CPA4: variants seen among roughly 807,000 people sequenced by gnomAD.
CPA4 encodes the protein carboxypeptidase A4, also known as carboxypeptidase A3.
In CPA4, 49 loss-of-function variants were observed where a neutral mutation model predicts 54.7. That is an observed-to-expected ratio of 0.90 (90% CI 0.71 to 1.14). The LOEUF is 1.14. Among genes scored for constraint, CPA4 ranks in the 50% most tolerant of loss-of-function variants. CPA4 has a pLI of 0.00. For missense variants in CPA4, 487 were observed against 525.1 expected (o/e 0.93, Z 0.71); for synonymous variants, 215 against 206.8 (o/e 1.04, Z -0.34).
rs1793897551 is a variant in CPA4 at position 130,310,723 on chromosome 7, G to A, written c.794-64G>A. 3.4e-6 allele frequency: 5 copies of A among 1,490,354 alleles called. No individual in the cohort carries two copies. The highest frequency in any genetic ancestry group is 4.7e-6 in the Non-Finnish European group (5 of 1,069,514). The allele number at this position is 1,490,354 out of a possible 1,614,324, so 92.3% of individuals were successfully genotyped here. On this transcript the variant is annotated intron_variant, in intron 8 of 10. Coordinates refer to ENST00000222482, the MANE Select transcript of CPA4 (RefSeq NM_016352.4). The surrounding 1 kb of genome is among the most constrained non-coding windows in gnomAD (Gnocchi z 4.3). ...TACCTTCGGCCCCTCTCTAGGTGGA[G>A]CGTCTTGCATTTCTGTGTTCTTGGA...
intron 10 of CPA4, among the ~76,000 whole-genome samples, chr7:130,322,179 T>G (rs1794117044): frequency 1.3e-5 from 2 of 152,144 alleles, no homozygotes; most frequent in African/African-American, 4.8e-5. Context: ...ATTGGGGCTA[T>G]CTTGGAGGCT....
At chr7:130,298,904 A>T (rs1793695978) in intron 2 of CPA4, 77 bp downstream of exon 2, 2 of 870,888 alleles carry the variant, frequency 2.3e-6, no homozygotes, top group South Asian at 1.5e-5. Context: ...TGGCATTATT[A>T]TTTTTATTTC....
At chr7:130,318,006 A>G (rs1413101398) in intron 10 of CPA4, among the ~76,000 whole-genome samples, 4 of 152,186 alleles carry the variant, frequency 2.6e-5, no homozygotes, top group African/African-American at 9.6e-5. Context: ...ATGCCATCAG[A>G]TGATGTTGGT....
chr7:130,293,194 T>G lies in CPA4; in HGVS notation c.14T>G (p.Leu5Arg). Residue 5 changes from leucine (L) to arginine (R), a missense_variant, in exon 1 of 11, where the codon CTG becomes CGG. By Grantham distance (102) the Leu-to-Arg change is moderately radical. Coordinates refer to ENST00000222482, the MANE Select transcript of CPA4 (RefSeq NM_016352.4). MRWI[L>R]FIGALIGSSI... ...CTCCCCGGGGACATGAGGTGGATAC[T>G]GTTCATTGGGGCCCTTATTGGGTCC... is the stretch of plus-strand genomic sequence containing the variant. 6.2e-7 allele frequency: 1 copy of G among 1,611,566 alleles called. No individual in the cohort carries two copies. Among genetic ancestry groups the G allele is most frequent in the South Asian group, 1.1e-5 (1 of 91,026 alleles).
rs760927364 is a variant in CPA4 at position 130,304,486 on chromosome 7, C to T, written c.393C>T (p.His131=). The change falls in exon 5 of 11, where the codon CAC becomes CAT. Residue 131 remains histidine (H), a synonymous_variant. Coordinates refer to ENST00000222482, the MANE Select transcript of CPA4 (RefSeq NM_016352.4). ...GAYHSLEAIY[H]EMDNIAADFP... ...ACTCTTTCATGCTTCAGATTTACCA[C>T]GAGATGGACAACATTGCCGCAGACT... The T allele has an allele frequency of 1.4e-5, 22 of 1,604,776 alleles. No homozygotes were observed. The highest frequency in any genetic ancestry group is 1.7e-4 in the Middle Eastern group (1 of 6,052).
At chr7:130,301,639 T>C (rs922327235) in intron 4 of CPA4, among the ~76,000 whole-genome samples, 3 of 152,294 alleles carry the variant, frequency 2.0e-5, no homozygotes, top group African/African-American at 7.2e-5. Flanking sequence ...TTAATACATG[T>C]TGTTCTTGAT....
intron 5 of CPA4, 34 bp from the exon 6 acceptor site, chr7:130,305,782 G>T (rs1458442408): frequency 2.6e-5 from 39 of 1,495,466 alleles, no homozygotes; most frequent in Non-Finnish European, 3.5e-5. Flanking sequence ...ATGCGGGCAG[G>T]CGGTCATTTT....
chr7:130,303,794 AT>A lies in CPA4; in HGVS notation c.385-670del, dbSNP rs10560933. ...CAGATACACGCCACCGCAGCTGCCT[AT>A]TTTTTTTTTTTTTGTTTCATTATTT... On this transcript the variant is annotated intron_variant, in intron 4 of 10. Coordinates refer to ENST00000222482, the MANE Select transcript of CPA4 (RefSeq NM_016352.4). Among the ~76,000 whole-genome samples the A allele has an allele frequency of 1.1e-3, 159 of 144,598 alleles. 2 individuals carry two copies. Among genetic ancestry groups the A allele is most frequent in the Admixed American group, 9.0e-4 (13 of 14,468 alleles). 94.9% of individuals were successfully genotyped at this position (144,598 alleles called of 152,430 possible).
At chr7:130,299,215 T>C (rs1307140043) in intron 2 of CPA4, 55 bp from the exon 3 acceptor site, 23 of 1,561,074 alleles carry the variant, frequency 1.5e-5, no homozygotes, top group Non-Finnish European at 2.0e-5. Flanking sequence ...AATAACCTCA[T>C]TGTGCATTTT....
chr7:130,309,135 C>T (rs926890829), intron 8 of CPA4, among the ~76,000 whole-genome samples: 2 of 152,180 alleles, frequency 1.3e-5, no homozygotes, highest in African/African-American at 4.8e-5. Flanking sequence ...CATGAGCCAT[C>T]GCATCCGGAC....
intron 3 of CPA4, 145 bp downstream of exon 3, chr7:130,299,549 G>A: frequency 1.4e-6 from 1 of 703,364 alleles, no homozygotes; most frequent in Non-Finnish European, 2.4e-6. Context: ...GTAAAGTGCA[G>A]TGACTTGTTA....
chr7:130,312,161 T>C, intron 10 of CPA4, 39 bp downstream of exon 10: 1 of 1,460,916 alleles, frequency 6.8e-7, no homozygotes, highest in Non-Finnish European at 9.6e-7. Flanking sequence ...TAGAAAGCAC[T>C]TTGAGAGGAA....
At position 130,323,736 on chromosome 7, in the gene CPA4, TG is replaced by T. The variant is rs1396263639; in HGVS notation, c.*1061del. On this transcript the variant is annotated 3_prime_UTR_variant, in exon 11 of 11. Coordinates refer to ENST00000222482, the MANE Select transcript of CPA4 (RefSeq NM_016352.4). The stretch of plus-strand genomic sequence containing the variant: ...GCAGGATGGTGAAATTATCCCCATC[TG>T]TCCTAATGGGCTTACCTCCTCTTTG... 1 of 152,280 alleles carries T rather than the reference TG, an allele frequency of 6.6e-6. No individual in the cohort carries two copies. The highest frequency in any genetic ancestry group is 1.5e-5 in the Non-Finnish European group (1 of 68,074). 9.4% of individuals were successfully genotyped at this position (152,280 alleles called of 1,614,324 possible). A position where few individuals can be genotyped will look rare whatever the true frequency, so the allele number is the denominator to read the frequency against.
chr7:130,295,997 T>C (rs1793642980), intron 1 of CPA4, among the ~76,000 whole-genome samples: 1 of 152,080 alleles, frequency 6.6e-6, no homozygotes. Flanking sequence ...AAAAAAAGGA[T>C]AATGCTACCC....
chr7:130,308,845 C>T (rs1281632125), intron 8 of CPA4, among the ~76,000 whole-genome samples: 4 of 137,828 alleles, frequency 2.9e-5, no homozygotes, highest in South Asian at 4.3e-4. Flanking sequence ...GCCACCTAGC[C>T]CAGCCTTTTT....
At chr7:130,298,287 T>C (rs1178581480) in intron 1 of CPA4, among the ~76,000 whole-genome samples, 1 of 152,262 alleles carries the variant, frequency 6.6e-6, no homozygotes, top group Non-Finnish European at 1.5e-5. Flanking sequence ...TGTCTTGAGT[T>C]AGCTTTGCGT....
intron 4 of CPA4, among the ~76,000 whole-genome samples, chr7:130,302,405 C>T (rs1447665784): frequency 6.6e-6 from 1 of 151,262 alleles, no homozygotes; most frequent in African/African-American, 2.4e-5. Flanking sequence ...AGGAGAATCA[C>T]TTGAAACCGG....
chr7:130,301,398 G>A (rs1793736397), intron 4 of CPA4, among the ~76,000 whole-genome samples: 1 of 152,168 alleles, frequency 6.6e-6, no homozygotes, highest in African/African-American at 2.4e-5. Flanking sequence ...GAAACCACTT[G>A]ATATAGATGG....
intron 10 of CPA4, among the ~76,000 whole-genome samples, chr7:130,317,903 C>T (rs1443793125): frequency 1.3e-5 from 2 of 152,186 alleles, no homozygotes; most frequent in African/African-American, 4.8e-5. Flanking sequence ...TCTCAACTGG[C>T]TTCACTTCAG....
Sources: gnomAD v4.1 joint callset for allele counts (sites outside exome capture counted in the v4.1 genomes callset) on GRCh38, gnomAD v4.1.1 for gene constraint, Gnocchi (gnomAD v3.1) non-coding constraint, MANE v1.5 for transcripts, NCBI Gene and HGNC (gene_info 2026-07-23, HGNC 2026-07-21) for gene names.